RRP1: variants seen among roughly 807,000 people sequenced by gnomAD.
RRP1 encodes the protein ribosomal RNA processing protein 1 homolog A.
RRP1 carries 37 observed loss-of-function variants against 54.6 expected under a neutral mutation model. That is an observed-to-expected ratio of 0.68 (90% CI 0.52 to 0.89). The LOEUF (loss-of-function observed/expected upper bound fraction) is 0.89, where lower values mean the gene tolerates loss of function less well. RRP1 is among the 40% of genes least tolerant of loss of function. RRP1 has a pLI of 0.00. For missense variants in RRP1, 639 were observed against 612.5 expected, an observed-to-expected ratio of 1.04 and a Z score of -0.46; for synonymous variants, 262 against 244.3, an observed-to-expected ratio of 1.07 and a Z score of -0.67.
At chr21:43,795,395 A>T in intron 5 of RRP1, 145 bp downstream of exon 5, 1 of 783,070 alleles carries the variant, frequency 1.3e-6, no homozygotes. Context: ...GATAGTTTTT[A>T]AAGTAAAAAT....
intron 4 of RRP1, 25 bp downstream of exon 4, chr21:43,793,429 C>T (rs374820664): frequency 4.1e-5 from 65 of 1,598,872 alleles, no homozygotes; most frequent in African/African-American, 1.6e-4. Flanking sequence ...AGGGTGCCGG[C>T]GGGCGGGGGC....
chr21:43,800,669 T>C (rs982092669), intron 10 of RRP1, 55 bp downstream of exon 10: 5 of 1,580,452 alleles, frequency 3.2e-6, no homozygotes, highest in Non-Finnish European at 8.7e-7. Flanking sequence ...TGCCCTTTCT[T>C]GCTCAGATCT....
chr21:43,798,232 C>A, intron 8 of RRP1, 132 bp downstream of exon 8: 1 of 755,634 alleles, frequency 1.3e-6, no homozygotes, highest in Non-Finnish European at 2.1e-6. Flanking sequence ...AGTCCATCCT[C>A]AGCATAGAAG....
At chr21:43,789,971 C>T (rs1004464214) in intron 1 of RRP1, among the ~76,000 whole-genome samples, 1 of 152,242 alleles carries the variant, frequency 6.6e-6, no homozygotes, top group Admixed American at 6.5e-5. Context: ...ACTCTGGTCC[C>T]TCTGCGAGAA....
rs887002635 is a variant in RRP1 at position 43,793,935 on chromosome 21, T to A, written c.360+531T>A. Among the ~76,000 whole-genome samples, 9 of 152,128 alleles carry A rather than the reference T, an allele frequency of 5.9e-5. No individual in the cohort carries two copies. In the East Asian group the frequency reaches 9.7e-4, roughly 16 times the overall value. ...CAGCGTGTTGCTGCCCGGACCTGCT[T>A]CTCTCCTTCCCTCCTTCCCTCTTGT... On this transcript the variant is annotated intron_variant, in intron 4 of 12. Coordinates refer to ENST00000497547, the MANE Select transcript of RRP1 (RefSeq NM_003683.6).
At chr21:43,799,689 C>A in intron 9 of RRP1, 40 bp downstream of exon 9, 1 of 1,560,738 alleles carries the variant, frequency 6.4e-7, no homozygotes, top group Non-Finnish European at 8.7e-7. Flanking sequence ...TCAGCCTTTG[C>A]CCCTCTGTGC....
At chr21:43,792,130 C>G (rs1220994806) in intron 2 of RRP1, among the ~76,000 whole-genome samples, 1 of 152,192 alleles carries the variant, frequency 6.6e-6, no homozygotes, top group African/African-American at 2.4e-5. Context: ...TTCAAAATCT[C>G]CTGGGTGGTG....
rs571923803 is a variant in RRP1, at chr21:43,801,705, A to G, written c.1010-569A>G. ...CGGCTGGTCGTCTGGGGTTTTCGGG[A>G]CAGCGCGCGTCAGTGAGGTGCGTGA... On this transcript the variant is annotated intron_variant, in intron 11 of 12. Coordinates refer to ENST00000497547, the MANE Select transcript of RRP1 (RefSeq NM_003683.6). Among the ~76,000 whole-genome samples, 8 of 152,202 alleles carry G rather than the reference A, an allele frequency of 5.3e-5. No homozygotes were observed. In the South Asian group the frequency reaches 1.7e-3, roughly 32 times the overall value.
intron 11 of RRP1, among the ~76,000 whole-genome samples, chr21:43,801,905 C>T (rs942717551): frequency 6.6e-6 from 1 of 152,134 alleles, no homozygotes; most frequent in Non-Finnish European, 1.5e-5. Flanking sequence ...GGGAAATGCT[C>T]GTCGCAGTGT....
chr21:43,792,031 G>T (rs755482904), intron 2 of RRP1, among the ~76,000 whole-genome samples: 6 of 152,170 alleles, frequency 3.9e-5, no homozygotes, highest in Non-Finnish European at 8.8e-5. Context: ...TGGAAACCAC[G>T]GGGCGGAATT....
Position 43,798,030 on chromosome 21 carries a change from T to C in RRP1, c.741T>C (p.Ser247=). 1 of 1,614,118 alleles carries C rather than the reference T, an allele frequency of 6.2e-7. No individual in the cohort carries two copies. The part of the protein sequence containing the change: ...DTQDEEVASD[S]DESSEGGERG... Reference sequence around the variant, plus strand: ...AGGATGAGGAGGTGGCGTCGGACAGTGATGAGTCCTCTGAGGGTGGTGAGC... The same window carrying C: ...AGGATGAGGAGGTGGCGTCGGACAGCGATGAGTCCTCTGAGGGTGGTGAGC... The change falls in exon 8 of 13, where the codon AGT becomes AGC. Residue 247 remains serine, a synonymous_variant. Transcript: ENST00000497547.
At chr21:43,799,828 G>A (rs190051225) in intron 9 of RRP1, among the ~76,000 whole-genome samples, 179 bp downstream of exon 9, 5 of 152,264 alleles carry the variant, frequency 3.3e-5, no homozygotes, top group Admixed American at 2.6e-4. Context: ...GCCTGTAGAC[G>A]AGTGGGATCA....
At position 43,797,563 on chromosome 21, in the gene RRP1, C is replaced by T. The variant is rs1480368628; in HGVS notation, c.552+12C>T. 2.5e-6 allele frequency: 4 copies of T among 1,613,976 alleles called. No homozygotes were observed. Among genetic ancestry groups the T allele is most frequent in the Admixed American group, 1.7e-5 (1 of 60,016 alleles). On this transcript the variant is annotated intron_variant, in intron 6 of 12. Transcript: ENST00000497547. ...TGGGCGCCGAGGAGGTGAGGCTGGG[C>T]TCCGACGGGGCGGTGGAGCTGGGCG...
rs1215520574 is a variant in RRP1, at chr21:43,789,713, G to A, written c.84G>A (p.Ala28=). Residue 28 remains alanine (A), a synonymous_variant, in exon 1 of 13, where the codon GCG becomes GCA. Coordinates refer to ENST00000497547, the MANE Select transcript of RRP1 (RefSeq NM_003683.6). ...ATGAGCAGGTGACCCGGGACCGGGC[G>A]GTGAGGAAGCTCCGGAAATACATCG... ...AGNEQVTRDR[A]VRKLRKYIVA... is the part of the protein sequence containing the mutation. 6.5e-7 allele frequency: 1 copy of A among 1,549,372 alleles called. No homozygotes were observed. The highest frequency in any genetic ancestry group is 8.7e-7 in the Non-Finnish European group (1 of 1,147,588).
intron 11 of RRP1, among the ~76,000 whole-genome samples, chr21:43,801,396 G>A (rs550336176): frequency 3.0e-4 from 45 of 152,352 alleles, no homozygotes; most frequent in African/African-American, 9.6e-4. Context: ...CTGTCCTTGC[G>A]TGAAGCTCCT....
intron 2 of RRP1, 70 bp downstream of exon 2, chr21:43,791,502 A>T: frequency 7.0e-7 from 1 of 1,427,898 alleles, no homozygotes; most frequent in Non-Finnish European, 9.8e-7. Flanking sequence ...TGGTCAACCC[A>T]GTTTTTCTTT....
At position 43,793,193 on chromosome 21, in the gene RRP1, G is replaced by C. The variant is rs778451046; in HGVS notation, c.275-126G>C. 551 of 790,622 alleles carry C rather than the reference G, an allele frequency of 7.0e-4. 1 individual carries two copies. The highest frequency in any genetic ancestry group is 1.0e-3 in the Non-Finnish European group (483 of 475,940). The allele number at this position is 790,622 out of a possible 1,614,324, so 49.0% of individuals were successfully genotyped here. On this transcript the variant is annotated intron_variant, in intron 3 of 12. Transcript: ENST00000497547. The stretch of plus-strand genomic sequence containing the variant: ...CCAGCAAGATCCAGTTCTGGGGGTA[G>C]GGCCTGGGCATCAGCATTTTTTATC...
rs1303332957 is a variant in RRP1 at position 43,804,380 on chromosome 21, C to T, written c.*606C>T. 6.6e-6 allele frequency: 1 copy of T among 152,358 alleles called. No individual in the cohort carries two copies. Among genetic ancestry groups the T allele is most frequent in the Non-Finnish European group, 1.5e-5 (1 of 68,102 alleles). The allele number at this position is 152,358 out of a possible 1,614,324, so 9.4% of individuals were successfully genotyped here. A position where few individuals can be genotyped will look rare whatever the true frequency, so the allele number is the denominator to read the frequency against. ...TGGGAAGACCTGGCTTCCGCGAGAGCCTTGTTCCTGGAGGCAGGAGCGCCC... is the reference window on the plus strand; with the variant it reads ...TGGGAAGACCTGGCTTCCGCGAGAGTCTTGTTCCTGGAGGCAGGAGCGCCC... On this transcript the variant is annotated 3_prime_UTR_variant, in exon 13 of 13. Coordinates refer to ENST00000497547, the MANE Select transcript of RRP1 (RefSeq NM_003683.6). The surrounding 1 kb of genome is among the most constrained non-coding windows in gnomAD (Gnocchi z 4.3).
chr21:43,799,462 G>A (rs2085060202), intron 8 of RRP1, 108 bp from the exon 9 acceptor site: 4 of 1,170,914 alleles, frequency 3.4e-6, no homozygotes, highest in Admixed American at 2.0e-5. Flanking sequence ...TTTCCCGCCT[G>A]TGCCCGTGCT....
Sources: gnomAD v4.1 joint callset for allele counts (sites outside exome capture counted in the v4.1 genomes callset) on GRCh38, gnomAD v4.1.1 for gene constraint, Gnocchi (gnomAD v3.1) non-coding constraint, MANE v1.5 for transcripts, NCBI Gene and HGNC (gene_info 2026-07-23, HGNC 2026-07-21) for gene names.